Variants in DNM2 observed in about 807,000 individuals in gnomAD.
DNM2 encodes dynamin 2.
In DNM2, 15 loss-of-function variants were observed where a neutral mutation model predicts 99.0. The ratio of observed to expected loss-of-function variants is 0.15; its 90% CI spans 0.10 to 0.23. The LOEUF is 0.23. Ranked by LOEUF, DNM2 falls within the 10% of genes least tolerant of loss-of-function variation. The pLI is 1.00. For synonymous variants in DNM2, 525 were observed against 481.2 expected (o/e 1.09, Z -1.19); for missense variants, 742 against 1,189.4 (o/e 0.62, Z 5.53).
intron 5 of DNM2, among the ~76,000 whole-genome samples, chr19:10,777,564 T>C (rs1479749908): frequency 6.6e-6 from 1 of 152,148 alleles, no homozygotes; most frequent in Non-Finnish European, 1.5e-5. Context: ...TTTATTACTT[T>C]CTATTATGAG....
intron 7 of DNM2, among the ~76,000 whole-genome samples, chr19:10,791,625 G>A (rs2071756415): frequency 6.6e-6 from 1 of 152,180 alleles, no homozygotes; most frequent in African/African-American, 2.4e-5. Flanking sequence ...GGGCCCCCAG[G>A]AGGCTGGTGC....
intron 1 of DNM2, among the ~76,000 whole-genome samples, chr19:10,753,239 C>G (rs936914048): frequency 9.9e-5 from 15 of 152,184 alleles, no homozygotes; most frequent in Non-Finnish European, 7.3e-5. Flanking sequence ...CTCAGTAATG[C>G]GTGTGTATGA....
intron 1 of DNM2, 29 bp downstream of exon 1, chr19:10,718,432 G>A (rs2068822814): frequency 1.4e-6 from 2 of 1,422,228 alleles, no homozygotes; most frequent in Non-Finnish European, 1.8e-6. Flanking sequence ...GATCGCGGGC[G>A]GGTGGCGGCC....
chr19:10,793,963 G>A, intron 8 of DNM2, 108 bp downstream of exon 8: 1 of 1,576,812 alleles, frequency 6.3e-7, no homozygotes, highest in Non-Finnish European at 8.7e-7. Context: ...CTACCTCTAG[G>A]CCTGAACTTG....
At chr19:10,788,377 T>C (rs988272817) in intron 7 of DNM2, among the ~76,000 whole-genome samples, 5 of 152,142 alleles carry the variant, frequency 3.3e-5, no homozygotes, top group African/African-American at 1.2e-4. Context: ...GAAGACCCTG[T>C]GGCTGGATGG....
chr19:10,734,956 C>A (rs1471678286), intron 1 of DNM2, among the ~76,000 whole-genome samples: 1 of 151,592 alleles, frequency 6.6e-6, no homozygotes, highest in African/African-American at 2.4e-5. Flanking sequence ...TGGAATTCTT[C>A]ATGGTGAGCC....
chr19:10,770,339 G>A (rs9305018), intron 2 of DNM2, among the ~76,000 whole-genome samples: 139,876 of 152,200 alleles, frequency 0.92, 64,805 homozygotes, highest in East Asian at 1. Flanking sequence ...AGGGCAGTGC[G>A]CATCTTCGCA....
chr19:10,753,849 G>A (rs985835970), intron 1 of DNM2, among the ~76,000 whole-genome samples: 10 of 151,932 alleles, frequency 6.6e-5, no homozygotes, highest in African/African-American at 2.4e-4. Context: ...TAGAGATGGG[G>A]TTGCACCATG....
At chr19:10,721,731 C>G (rs374351917) in intron 1 of DNM2, among the ~76,000 whole-genome samples, 44 of 152,276 alleles carry the variant, frequency 2.9e-4, no homozygotes, top group African/African-American at 1.0e-3. Context: ...GGATGTGGTC[C>G]GAGTGGGAAC....
chr19:10,805,880 TTGTCCACGTGAACCC>T, intron 12 of DNM2, 21 bp from the exon 13 acceptor site: 1 of 1,614,084 alleles, frequency 6.2e-7, no homozygotes, highest in East Asian at 2.2e-5. Flanking sequence ...CCCCGGCATC[TTGTCCACGTGAACCC>T]TGTCTGTTCT....
At chr19:10,797,319 T>G in intron 9 of DNM2, 61 bp from the exon 10 acceptor site, 1 of 1,603,424 alleles carries the variant, frequency 6.2e-7, no homozygotes, top group Non-Finnish European at 8.5e-7. Flanking sequence ...CTGTCCTGCG[T>G]GTGTGGCCTG....
chr19:10,730,759 C>T (rs1384730421), intron 1 of DNM2, among the ~76,000 whole-genome samples: 1 of 152,200 alleles, frequency 6.6e-6, no homozygotes, highest in Non-Finnish European at 1.5e-5. Flanking sequence ...CTAGCAGCGT[C>T]CCCTCCAGGG....
At position 10,811,680 on chromosome 19, in the gene DNM2, C is replaced by G; in HGVS notation, c.1558-584C>G. 3 of 514,936 alleles carry G rather than the reference C, an allele frequency of 5.8e-6. No individual in the cohort carries two copies. Among genetic ancestry groups the G allele is most frequent in the South Asian group, 4.2e-5 (3 of 70,610 alleles). The allele number at this position is 514,936 out of a possible 1,614,324, so 31.9% of individuals were successfully genotyped here. A position where few individuals can be genotyped will look rare whatever the true frequency, so the allele number is the denominator to read the frequency against. On this transcript the variant is annotated intron_variant, in intron 14 of 20. Coordinates refer to ENST00000389253, the MANE Select transcript of DNM2 (RefSeq NM_001005361.3). This position sits in a 1 kb window ranked among gnomAD's most constrained non-coding sequence, Gnocchi z 5.4. ...CCGTTAGTTGTCAGGTGAGTCCCTG[C>G]GCAGGCCTGGGTTCTGACCCCCACG...
Position 10,831,048 on chromosome 19 carries a change from G to T in DNM2, c.*1G>T. ...AGCCGAGCCATCCCTGCTCGACTAG[G>T]CCTCGAGGGGGGCGTGCTCTCGGGG... is the stretch of plus-strand genomic sequence containing the variant. On this transcript the variant is annotated 3_prime_UTR_variant, in exon 21 of 21. Transcript: ENST00000389253. This position sits in a 1 kb window ranked among gnomAD's most constrained non-coding sequence, Gnocchi z 4.3. 6.2e-7 allele frequency: 1 copy of T among 1,602,814 alleles called. No individual in the cohort carries two copies. The highest frequency in any genetic ancestry group is 1.3e-5 in the African/African-American group (1 of 74,756).
Position 10,775,576 on chromosome 19 carries a change from G to A in DNM2, c.386-127G>A, listed in dbSNP as rs146045589. 70 of 1,004,354 alleles carry A rather than the reference G, an allele frequency of 7.0e-5. No homozygotes were observed. Among genetic ancestry groups the A allele is most frequent in the Non-Finnish European group, 1.0e-4 (64 of 632,526 alleles). 62.2% of individuals were successfully genotyped at this position (1,004,354 alleles called of 1,614,324 possible). Reference sequence around the variant, plus strand: ...GGATCAAAGGTGTGGTTCAGGCAGAGTGTCAGGCGACATCCTCAAGTCTGA... The same window carrying A: ...GGATCAAAGGTGTGGTTCAGGCAGAATGTCAGGCGACATCCTCAAGTCTGA... On this transcript the variant is annotated intron_variant, in intron 3 of 20. Transcript: ENST00000389253. The surrounding 1 kb of genome is among the most constrained non-coding windows in gnomAD (Gnocchi z 4.3).
chr19:10,779,498 C>CTTT (rs1227116160), intron 5 of DNM2, among the ~76,000 whole-genome samples: 5 of 54,460 alleles, frequency 9.2e-5, no homozygotes, highest in Admixed American at 2.0e-4. Flanking sequence ...TTCTTTCTTT[C>CTTT]TTTCTTTTTT....
chr19:10,793,452 C>G (rs1218536801), intron 7 of DNM2, among the ~76,000 whole-genome samples: 1 of 152,218 alleles, frequency 6.6e-6, no homozygotes, highest in East Asian at 1.9e-4. Context: ...GAACTTCACT[C>G]CTGTCTTCTG....
At chr19:10,738,633 G>A (rs1001906286) in intron 1 of DNM2, among the ~76,000 whole-genome samples, 1 of 152,054 alleles carries the variant, frequency 6.6e-6, no homozygotes, top group African/African-American at 2.4e-5. Flanking sequence ...AGGTTGAGGC[G>A]GGTGGATCAC....
chr19:10,753,426 TCCCCTTC>T (rs1599480976), intron 1 of DNM2, among the ~76,000 whole-genome samples: 2 of 115,944 alleles, frequency 1.7e-5, no homozygotes, highest in Admixed American at 2.2e-4. Flanking sequence ...CACTTCCCTT[TCCCCTTC>T]CCCCTTCCCT....
Sources: allele counts gnomAD v4.1 joint callset (sites outside exome capture counted in the v4.1 genomes callset), GRCh38; gene constraint gnomAD v4.1.1; non-coding constraint Gnocchi (gnomAD v3.1); transcripts MANE v1.5; gene names NCBI Gene and HGNC (gene_info 2026-07-23, HGNC 2026-07-21).